ITGB5: variants seen among roughly 807,000 people sequenced by gnomAD.
ITGB5 encodes integrin beta-5.
ITGB5 carries 38 observed loss-of-function variants against 84.8 expected under a neutral mutation model. That is an observed-to-expected ratio of 0.45 (90% CI 0.35 to 0.59). ITGB5 has a LOEUF of 0.59. ITGB5 is among the 20% of genes least tolerant of loss of function. The pLI, the probability that ITGB5 is intolerant of heterozygous loss-of-function variation, is 0.01. For missense variants in ITGB5, 905 were observed against 1,034.5 expected, an observed-to-expected ratio of 0.87 and a Z score of 1.72; for synonymous variants, 393 against 414.4, an observed-to-expected ratio of 0.95 and a Z score of 0.63.
At chr3:124,793,546 C>CTCA (rs1457738361) in intron 10 of ITGB5, among the ~76,000 whole-genome samples, 1 of 152,228 alleles carries the variant, frequency 6.6e-6, no homozygotes, top group East Asian at 1.9e-4. Context: ...GTGGCACTGA[C>CTCA]TCATAGAGGA....
At chr3:124,795,964 G>A (rs769524679) in intron 10 of ITGB5, among the ~76,000 whole-genome samples, 1 of 152,192 alleles carries the variant, frequency 6.6e-6, no homozygotes, top group Non-Finnish European at 1.5e-5. Context: ...AAGCCAACAG[G>A]TTTGTGGTGA....
At chr3:124,767,120 A>G (rs1367429275) in intron 12 of ITGB5, among the ~76,000 whole-genome samples, 2 of 152,194 alleles carry the variant, frequency 1.3e-5, no homozygotes, top group African/African-American at 4.8e-5. Flanking sequence ...TTTGGAGAGA[A>G]AGGAACTAGG....
intron 11 of ITGB5, among the ~76,000 whole-genome samples, chr3:124,772,550 A>ATTTG (rs1329461306): frequency 6.6e-6 from 1 of 152,208 alleles, no homozygotes; most frequent in Non-Finnish European, 1.5e-5. Flanking sequence ...TTGTATTATG[A>ATTTG]TTTGTTTCTG....
chr3:124,887,804 G>T (rs899528930), upstream of ITGB5: 2 of 332,292 alleles, frequency 6.0e-6, no homozygotes, highest in South Asian at 2.2e-5. Context: ...ACTGCCGGCG[G>T]CCTGAGATGG....
Position 124,848,363 on chromosome 3 carries a change from T to A in ITGB5, c.557A>T (p.Asp186Val), listed in dbSNP as rs142682013. 7.4e-6 allele frequency: 12 copies of A among 1,614,028 alleles called. No individual in the cohort carries two copies. Among genetic ancestry groups the A allele is most frequent in the Non-Finnish European group, 9.3e-6 (11 of 1,180,032 alleles). ...RLGFGSFVDK[D>V]ISPFSYTAPR... ...TGCCGTGTAGGAGAAAGGAGAGATG[T>A]CCTTATCAACAAAAGACCCAAATCC... The change falls in exon 4 of 15, where the codon GAC (aspartate) becomes GTC (valine). Residue 186 changes from aspartate to valine, a missense_variant. Transcript: ENST00000296181.
At chr3:124,839,648 G>T (rs1379786695) in intron 5 of ITGB5, among the ~76,000 whole-genome samples, 1 of 152,172 alleles carries the variant, frequency 6.6e-6, no homozygotes, top group Admixed American at 6.5e-5. Flanking sequence ...AGCAGAATTT[G>T]GCTGAATGTC....
chr3:124,783,281 A>G (rs2064031502), intron 10 of ITGB5, among the ~76,000 whole-genome samples: 1 of 132,488 alleles, frequency 7.5e-6, no homozygotes, highest in Non-Finnish European at 1.6e-5. Flanking sequence ...ACAGAGCGAG[A>G]CTCCGTCTCA....
Position 124,763,558 on chromosome 3 carries a change from G to A in ITGB5, c.*65C>T, listed in dbSNP as rs1384471232. The A allele has an allele frequency of 1.0e-5, 10 of 978,204 alleles. No homozygotes were observed. The highest frequency in any genetic ancestry group is 1.7e-5 in the Admixed American group (1 of 57,302). 60.6% of individuals were successfully genotyped at this position (978,204 alleles called of 1,614,324 possible). A position where few individuals can be genotyped will look rare whatever the true frequency, so the allele number is the denominator to read the frequency against. ...GGAGCTGTGATCAAGCCGAGCAGCC[G>A]TGCAAGGCGTTTCAGTCTGACCTTT... is the stretch of plus-strand genomic sequence containing the variant. On this transcript the variant is annotated 3_prime_UTR_variant, in exon 15 of 15. Coordinates refer to ENST00000296181, the MANE Select transcript of ITGB5 (RefSeq NM_002213.5).
At chr3:124,875,259 C>T (rs1279591668) in intron 1 of ITGB5, among the ~76,000 whole-genome samples, 2 of 152,080 alleles carry the variant, frequency 1.3e-5, no homozygotes, top group Admixed American at 6.5e-5. Context: ...GGGTGGATCA[C>T]CTAAGATCAG....
At chr3:124,808,242 A>G (rs1285979526) in intron 9 of ITGB5, among the ~76,000 whole-genome samples, 1 of 152,180 alleles carries the variant, frequency 6.6e-6, no homozygotes, top group Non-Finnish European at 1.5e-5. Flanking sequence ...TTCTAACTAG[A>G]TTCTTTTAAG....
chr3:124,841,616 G>C, intron 4 of ITGB5, 65 bp from the exon 5 acceptor site: 1 of 1,541,694 alleles, frequency 6.5e-7, no homozygotes, highest in African/African-American at 1.4e-5. Context: ...CAAGTGTTCT[G>C]AGCATTCACT....
Position 124,763,060 on chromosome 3 carries a change from C to CGT in ITGB5, c.*562_*563insAC, listed in dbSNP as rs2063715941. 6.6e-6 allele frequency: 1 copy of CGT among 152,332 alleles called. No homozygotes were observed. Among genetic ancestry groups the CGT allele is most frequent in the African/African-American group, 2.4e-5 (1 of 41,464 alleles). The allele number at this position is 152,332 out of a possible 1,614,324, so 9.4% of individuals were successfully genotyped here. On this transcript the variant is annotated 3_prime_UTR_variant, in exon 15 of 15. Transcript: ENST00000296181. ...AAACACGGACAGGAGAGGAAACTGA[C>CGT]ATTTGCAAACGATGTACCTTCAACA...
intron 14 of ITGB5, 67 bp downstream of exon 14, chr3:124,764,324 T>A (rs1345172528): frequency 6.6e-7 from 1 of 1,513,100 alleles, no homozygotes; most frequent in Non-Finnish European, 9.0e-7. Context: ...ATTGCTAACA[T>A]ACCGCTGAAC....
At chr3:124,865,481 C>CTTTTTTTTTTTT (rs59446328) in intron 2 of ITGB5, among the ~76,000 whole-genome samples, 1,007 of 93,116 alleles carry the variant, frequency 0.011, 32 homozygotes, top group Non-Finnish European at 0.015. Context: ...CGGCTTTTTT[C>CTTTTTTTTTTTT]TTTTTTTTTT....
chr3:124,867,111 T>A (rs1231209914), intron 2 of ITGB5, among the ~76,000 whole-genome samples: 2 of 152,116 alleles, frequency 1.3e-5, no homozygotes, highest in Admixed American at 1.3e-4. Context: ...CATTGCTTCT[T>A]CTCCACATCC....
At chr3:124,811,920 C>A (rs1559946721) in intron 8 of ITGB5, among the ~76,000 whole-genome samples, 1 of 152,092 alleles carries the variant, frequency 6.6e-6, no homozygotes, top group South Asian at 2.1e-4. Context: ...AATCCCCACA[C>A]CTGATATGCA....
chr3:124,841,317 C>T, intron 5 of ITGB5, 66 bp downstream of exon 5: 1 of 1,506,546 alleles, frequency 6.6e-7, no homozygotes, highest in Non-Finnish European at 9.1e-7. Context: ...CAGGAAGTAC[C>T]AACACCCACT....
At position 124,859,770 on chromosome 3, in the gene ITGB5, T is replaced by C. The variant is rs972960023; in HGVS notation, c.157-324A>G. 3.9e-5 allele frequency among the ~76,000 whole-genome samples: 6 copies of C among 152,178 alleles called. No individual in the cohort carries two copies. In the East Asian group the frequency reaches 1.2e-3, roughly 29 times the overall value. ...GAAACAGAAATGATCAGAAGTTGTA[T>C]AGCTAAAATTTTTTAAAAGTTGTTA... is the stretch of plus-strand genomic sequence containing the variant. On this transcript the variant is annotated intron_variant, in intron 2 of 14. Transcript: ENST00000296181.
intron 5 of ITGB5, among the ~76,000 whole-genome samples, chr3:124,832,290 A>G (rs1182360865): frequency 6.6e-6 from 1 of 152,248 alleles, no homozygotes; most frequent in African/African-American, 2.4e-5. Flanking sequence ...CAGATACTCT[A>G]ATGTCAAGGT....
Sources: gnomAD v4.1 joint callset for allele counts (sites outside exome capture counted in the v4.1 genomes callset) on GRCh38, gnomAD v4.1.1 for gene constraint, MANE v1.5 for transcripts, NCBI Gene and HGNC (gene_info 2026-07-23, HGNC 2026-07-21) for gene names.